The following LRRTM2 variants were observed in gnomAD, a reference collection of about 807,000 sequenced individuals.
The protein encoded by LRRTM2 is leucine-rich repeat transmembrane neuronal protein 2.
LRRTM2 carries 14 observed loss-of-function variants against 40.7 expected under a neutral mutation model. The ratio of observed to expected loss-of-function variants is 0.34; its 90% CI spans 0.23 to 0.54. LRRTM2 has a LOEUF of 0.54. Ranked by LOEUF, LRRTM2 falls within the 20% of genes least tolerant of loss-of-function variation. The pLI is 0.92. For missense variants in LRRTM2, 468 were observed against 624.4 expected, an observed-to-expected ratio of 0.75 and a Z score of 2.67; for synonymous variants, 223 against 237.6, an observed-to-expected ratio of 0.94 and a Z score of 0.57.
chr5:138,873,418 A>G lies in LRRTM2; in HGVS notation c.1143T>C (p.Tyr381=), dbSNP rs757948391. 20 of 1,613,834 alleles carry G rather than the reference A, an allele frequency of 1.2e-5. No individual in the cohort carries two copies. In the East Asian group the frequency reaches 3.3e-4, roughly 27 times the overall value. ...ATTYRDPTTE[Y]TKRISSSSYH... ...AACTTGATGAGCTTATTCTTTTTGT[A>G]TATTCAGTGGTTGGATCTCTATAAG... Residue 381 remains tyrosine, a synonymous_variant, in exon 2 of 2, where the codon TAT becomes TAC. Transcript: ENST00000274711. The surrounding 1 kb of genome is among the most constrained non-coding windows in gnomAD (Gnocchi z 6.1).
chr5:138,875,330 A>G lies in LRRTM2; in HGVS notation c.-419T>C. 4.2e-6 allele frequency: 4 copies of G among 948,068 alleles called. No individual in the cohort carries two copies. The highest frequency in any genetic ancestry group is 5.1e-6 in the Non-Finnish European group (4 of 789,702). 58.7% of individuals were successfully genotyped at this position (948,068 alleles called of 1,614,324 possible). On this transcript the variant is annotated 5_prime_UTR_variant, in exon 1 of 2. Coordinates refer to ENST00000274711, the MANE Select transcript of LRRTM2 (RefSeq NM_015564.3). ...GAAAAGCTTTTCCGAGAAACGGCACAAGAATGGATTTGCTTATGTGCTGCG... is the reference window on the plus strand; with the variant it reads ...GAAAAGCTTTTCCGAGAAACGGCACGAGAATGGATTTGCTTATGTGCTGCG...
rs753430265 is a variant in LRRTM2, at chr5:138,874,973, G to A, written c.-62C>T. ...TTGTTAGACTCAACGCAGTGAGTCT[G>A]TAAAAGGCTCTAACATGTAGGAGCC... On this transcript the variant is annotated 5_prime_UTR_variant, in exon 1 of 2. Coordinates refer to ENST00000274711, the MANE Select transcript of LRRTM2 (RefSeq NM_015564.3). This position sits in a 1 kb window ranked among gnomAD's most constrained non-coding sequence, Gnocchi z 4.1. 1.9e-6 allele frequency: 3 copies of A among 1,575,978 alleles called. No homozygotes were observed. Among genetic ancestry groups the A allele is most frequent in the Non-Finnish European group, 2.6e-6 (3 of 1,147,718 alleles).
chr5:138,872,004 ATAGT>A lies in LRRTM2; in HGVS notation c.*1002_*1005del, dbSNP rs1394433646. ...CTTTGTCAAGGCATCTTTGATCATG[ATAGT>A]TGAGAGAGAGAGCGCGAGAGTGTGT... is the stretch of plus-strand genomic sequence containing the variant. On this transcript the variant is annotated 3_prime_UTR_variant, in exon 2 of 2. Coordinates refer to ENST00000274711, the MANE Select transcript of LRRTM2 (RefSeq NM_015564.3). The A allele has an allele frequency of 1.3e-5, 2 of 149,700 alleles. No homozygotes were observed. The highest frequency in any genetic ancestry group is 4.9e-5 in the African/African-American group (2 of 40,460). The allele number at this position is 149,700 out of a possible 1,614,324, so 9.3% of individuals were successfully genotyped here. A position where few individuals can be genotyped will look rare whatever the true frequency, so the allele number is the denominator to read the frequency against.
chr5:138,872,757 TTTC>T lies in LRRTM2; in HGVS notation c.*250_*252del. On this transcript the variant is annotated 3_prime_UTR_variant, in exon 2 of 2. Transcript: ENST00000274711. ...ACACGATTGTATATAATTACATACA[TTTC>T]TTATTTTGAAGTAAGCATTTTAGAC... 1 of 371,738 alleles carries T rather than the reference TTTC, an allele frequency of 2.7e-6. No individual in the cohort carries two copies. Among genetic ancestry groups the T allele is most frequent in the Admixed American group, 4.2e-5 (1 of 23,752 alleles). The allele number at this position is 371,738 out of a possible 1,614,324, so 23.0% of individuals were successfully genotyped here.
Position 138,873,967 on chromosome 5 carries a change from G to T in LRRTM2, c.594C>A (p.Arg198=). The stretch of plus-strand genomic sequence containing the variant: ...GTTTAATTAATCCTGCAAATCCATT[G>T]CGAGCCAAACTTCGCAAACGATTTG... ...LSTNRLRSLA[R]NGFAGLIKLR... is the part of the protein sequence containing the mutation. Residue 198 remains arginine, a synonymous_variant, in exon 2 of 2, where the codon CGC becomes CGA. Coordinates refer to ENST00000274711, the MANE Select transcript of LRRTM2 (RefSeq NM_015564.3). This position sits in a 1 kb window ranked among gnomAD's most constrained non-coding sequence, Gnocchi z 6.1. The T allele has an allele frequency of 1.2e-6, 2 of 1,613,988 alleles. No homozygotes were observed. The highest frequency in any genetic ancestry group is 1.7e-6 in the Non-Finnish European group (2 of 1,179,890).
At position 138,870,577 on chromosome 5, in the gene LRRTM2, G is replaced by C. The variant is rs1765246356; in HGVS notation, c.*2433C>G. The C allele has an allele frequency of 6.6e-6, 1 of 152,158 alleles. No homozygotes were observed. Among genetic ancestry groups the C allele is most frequent in the Non-Finnish European group, 1.5e-5 (1 of 68,036 alleles). 9.4% of individuals were successfully genotyped at this position (152,158 alleles called of 1,614,324 possible). Reference sequence around the variant, plus strand: ...CCAGTTATGGTCCTTTAAGGATTAAGGTGGAGATTCCCAGCCAAAGAAGGG... The same window carrying C: ...CCAGTTATGGTCCTTTAAGGATTAACGTGGAGATTCCCAGCCAAAGAAGGG... On this transcript the variant is annotated 3_prime_UTR_variant, in exon 2 of 2. Coordinates refer to ENST00000274711, the MANE Select transcript of LRRTM2 (RefSeq NM_015564.3).
At position 138,871,119 on chromosome 5, in the gene LRRTM2, T is replaced by A. The variant is rs1352547297; in HGVS notation, c.*1891A>T. 1 of 152,180 alleles carries A rather than the reference T, an allele frequency of 6.6e-6. No individual in the cohort carries two copies. Among genetic ancestry groups the A allele is most frequent in the East Asian group, 1.9e-4 (1 of 5,200 alleles). The allele number at this position is 152,180 out of a possible 1,614,324, so 9.4% of individuals were successfully genotyped here. On this transcript the variant is annotated 3_prime_UTR_variant, in exon 2 of 2. Coordinates refer to ENST00000274711, the MANE Select transcript of LRRTM2 (RefSeq NM_015564.3). Reference sequence around the variant, plus strand: ...AAAGAAGAAAAATTGTGATTAAATCTTACTGGCTAAACTATAGCCTTAACA... The same window carrying A: ...AAAGAAGAAAAATTGTGATTAAATCATACTGGCTAAACTATAGCCTTAACA...
rs779150474 is a variant in LRRTM2, at chr5:138,873,720, T to C, written c.841A>G (p.Ile281Val). The C allele has an allele frequency of 6.2e-7, 1 of 1,614,034 alleles. No individual in the cohort carries two copies. Among genetic ancestry groups the C allele is most frequent in the South Asian group, 1.1e-5 (1 of 91,086 alleles). Residue 281 changes from isoleucine to valine, a missense_variant, in exon 2 of 2, where the codon ATA becomes GTA. Physicochemically the swap from Ile to Val is conservative, Grantham distance 29 (BLOSUM62 3). Coordinates refer to ENST00000274711, the MANE Select transcript of LRRTM2 (RefSeq NM_015564.3). The surrounding 1 kb of genome is among the most constrained non-coding windows in gnomAD (Gnocchi z 6.1). ...TVFETMPNLK[I>V]LLMDNNKLNS... ...AACTTGTTGTTATCCATGAGGAGTA[T>C]TTTAAGATTGGGCATCGTTTCAAAC...
chr5:138,873,115 T>C lies in LRRTM2; in HGVS notation c.1446A>G (p.Gly482=). The C allele has an allele frequency of 6.2e-7, 1 of 1,613,974 alleles. No individual in the cohort carries two copies. Among genetic ancestry groups the C allele is most frequent in the East Asian group, 2.2e-5 (1 of 44,874 alleles). The part of the protein sequence containing the change: ...RLHMSNMSDQ[G]PYNEYEPTHE... ...GGGTGGGTTCATATTCATTATACGG[T>C]CCTTGGTCTGACATGTTTGACATAT... The change falls in exon 2 of 2, where the codon GGA becomes GGG. Residue 482 remains glycine, a synonymous_variant. Transcript: ENST00000274711. The surrounding 1 kb of genome is among the most constrained non-coding windows in gnomAD (Gnocchi z 6.1).
Position 138,869,366 on chromosome 5 carries a change from C to CT in LRRTM2, c.*3643dup, listed in dbSNP as rs1434725048. ...AATTATCTATAGATGGCCTTACTGT[C>CT]TCTCTCTCTTTTTTTTTTTTTTTCC... On this transcript the variant is annotated 3_prime_UTR_variant, in exon 2 of 2. Transcript: ENST00000274711. 4.1e-5 allele frequency: 6 copies of CT among 147,060 alleles called. No individual in the cohort carries two copies. Among genetic ancestry groups the CT allele is most frequent in the African/African-American group, 1.5e-4 (6 of 40,184 alleles). 9.1% of individuals were successfully genotyped at this position (147,060 alleles called of 1,614,324 possible). A position where few individuals can be genotyped will look rare whatever the true frequency, so the allele number is the denominator to read the frequency against.
At position 138,874,633 on chromosome 5, in the gene LRRTM2, A is replaced by G; in HGVS notation, c.5-77T>C. The G allele has an allele frequency of 2.2e-6, 2 of 891,506 alleles. No homozygotes were observed. Among genetic ancestry groups the G allele is most frequent in the Non-Finnish European group, 3.3e-6 (2 of 598,510 alleles). The allele number at this position is 891,506 out of a possible 1,614,324, so 55.2% of individuals were successfully genotyped here. A position where few individuals can be genotyped will look rare whatever the true frequency, so the allele number is the denominator to read the frequency against. On this transcript the variant is annotated intron_variant, in intron 1 of 1. Transcript: ENST00000274711. This position sits in a 1 kb window ranked among gnomAD's most constrained non-coding sequence, Gnocchi z 4.1. ...ACATATGGGCTATTTAAAAAAAACAACCACCACCAACATTATAGCAAAAGA... is the reference window on the plus strand; with the variant it reads ...ACATATGGGCTATTTAAAAAAAACAGCCACCACCAACATTATAGCAAAAGA...
chr5:138,873,809 G>A lies in LRRTM2; in HGVS notation c.752C>T (p.Thr251Ile), dbSNP rs1280620099. 6.2e-7 allele frequency: 1 copy of A among 1,613,848 alleles called. No homozygotes were observed. Among genetic ancestry groups the A allele is most frequent in the Non-Finnish European group, 8.5e-7 (1 of 1,179,898 alleles). Residue 251 changes from threonine (T) to isoleucine (I), a missense_variant, in exon 2 of 2, where the codon ACC becomes ATC. By Grantham distance (89) the Thr-to-Ile change is moderately conservative. Coordinates refer to ENST00000274711, the MANE Select transcript of LRRTM2 (RefSeq NM_015564.3). The surrounding 1 kb of genome is among the most constrained non-coding windows in gnomAD (Gnocchi z 6.1). The part of the protein sequence containing the change: ...ISNLTCGMEW[T>I]WGTLEKLDLT... ...GTCTAGCTTTTCTAAAGTGCCCCAG[G>A]TCCACTCCATCCCACATGTCAAGTT...
rs1263623904 is a variant in LRRTM2, at chr5:138,873,184, T to C, written c.1377A>G (p.Ser459=). The change falls in exon 2 of 2, where the codon TCA becomes TCG. Residue 459 remains serine (S), a synonymous_variant. Coordinates refer to ENST00000274711, the MANE Select transcript of LRRTM2 (RefSeq NM_015564.3). This position sits in a 1 kb window ranked among gnomAD's most constrained non-coding sequence, Gnocchi z 6.1. The stretch of plus-strand genomic sequence containing the variant: ...GGAGCTGCCTGTGGTTCTGAACCAT[T>C]GAGCACTGCCTAATTCTTCTTAAAG... The part of the protein sequence containing the change: ...PPTLRRIRQC[S]MVQNHRQLRS... The C allele has an allele frequency of 3.1e-6, 5 of 1,614,028 alleles. No individual in the cohort carries two copies. Among genetic ancestry groups the C allele is most frequent in the Non-Finnish European group, 4.2e-6 (5 of 1,179,888 alleles).
Position 138,873,472 on chromosome 5 carries a change from C to T in LRRTM2, c.1089G>A (p.Leu363=). ...TAGCCATGACAGTGACAGTGGTTGA[C>T]AAATTCCAGCAGAGCTGAAATCCAT... is the stretch of plus-strand genomic sequence containing the variant. ...AVHGFQLCWN[L]STTVTVMATT... Residue 363 remains leucine, a synonymous_variant, in exon 2 of 2, where the codon TTG becomes TTA. Transcript: ENST00000274711. This position sits in a 1 kb window ranked among gnomAD's most constrained non-coding sequence, Gnocchi z 6.1. 3 of 1,614,014 alleles carry T rather than the reference C, an allele frequency of 1.9e-6. No individual in the cohort carries two copies. The highest frequency in any genetic ancestry group is 2.5e-6 in the Non-Finnish European group (3 of 1,179,904).
Position 138,871,721 on chromosome 5 carries a change from A to G in LRRTM2, c.*1289T>C, listed in dbSNP as rs763504957. The G allele has an allele frequency of 1.3e-5, 2 of 152,164 alleles. No homozygotes were observed. The highest frequency in any genetic ancestry group is 2.9e-5 in the Non-Finnish European group (2 of 68,026). The allele number at this position is 152,164 out of a possible 1,614,324, so 9.4% of individuals were successfully genotyped here. On this transcript the variant is annotated 3_prime_UTR_variant, in exon 2 of 2. Coordinates refer to ENST00000274711, the MANE Select transcript of LRRTM2 (RefSeq NM_015564.3). The stretch of plus-strand genomic sequence containing the variant: ...GTTACCACTGTGTGGCTGCATAGGC[A>G]TGTCGAGTTGTTCTGCCATGAGATT...
Position 138,874,306 on chromosome 5 carries a change from A to C in LRRTM2, c.255T>G (p.Ser85Arg). The C allele has an allele frequency of 4.3e-6, 7 of 1,614,044 alleles. No homozygotes were observed. Among genetic ancestry groups the C allele is most frequent in the Non-Finnish European group, 5.1e-6 (6 of 1,179,892 alleles). ...GATCTAAGTGGAGCCAAGTAAGTTG[A>C]CTGAAGCTGGCAAATTGATCTCTTT... ...ELERDQFASF[S>R]QLTWLHLDHN... The change falls in exon 2 of 2, where the codon AGT (serine) becomes AGG (arginine). Residue 85 changes from serine to arginine, a missense_variant. Ser to Arg is a moderately radical substitution (Grantham distance 110). Transcript: ENST00000274711. The surrounding 1 kb of genome is among the most constrained non-coding windows in gnomAD (Gnocchi z 4.1).
chr5:138,873,898 A>G lies in LRRTM2; in HGVS notation c.663T>C (p.Asn221=), dbSNP rs562406459. 4.3e-6 allele frequency: 7 copies of G among 1,613,892 alleles called. No homozygotes were observed. Among genetic ancestry groups the G allele is most frequent in the African/African-American group, 1.3e-5 (1 of 74,904 alleles). Residue 221 remains asparagine (N), a synonymous_variant, in exon 2 of 2, where the codon AAT becomes AAC. Coordinates refer to ENST00000274711, the MANE Select transcript of LRRTM2 (RefSeq NM_015564.3). The surrounding 1 kb of genome is among the most constrained non-coding windows in gnomAD (Gnocchi z 6.1). The part of the protein sequence containing the change: ...HLEHNQLTKI[N]FAHFLRLSSL... ...TGCTTAGCCGTAGGAAATGAGCAAA[A>G]TTAATCTTCGTCAGCTGGTTGTGCT...
chr5:138,874,098 C>T lies in LRRTM2; in HGVS notation c.463G>A (p.Gly155Ser). ...LSSLHPELFYGLRKLQTLHLR... is the reference protein window; with the variant it reads ...LSSLHPELFYSLRKLQTLHLR... ...TGCAAGGTCTGCAGCTTCCGAAGGC[C>T]ATAGAAGAGCTCTGGGTGCAGAGAT... is the stretch of plus-strand genomic sequence containing the variant. Residue 155 changes from glycine (G) to serine (S), a missense_variant, in exon 2 of 2, where the codon GGC becomes AGC. Gly to Ser is a moderately conservative substitution (Grantham distance 56). Transcript: ENST00000274711. This position sits in a 1 kb window ranked among gnomAD's most constrained non-coding sequence, Gnocchi z 4.1. 6.2e-7 allele frequency: 1 copy of T among 1,613,784 alleles called. No homozygotes were observed. The highest frequency in any genetic ancestry group is 2.2e-5 in the East Asian group (1 of 44,886).
chr5:138,874,570 T>C lies in LRRTM2; in HGVS notation c.5-14A>G. On this transcript the variant is annotated splice_polypyrimidine_tract_variant and intron_variant, in intron 1 of 1. Transcript: ENST00000274711. This position sits in a 1 kb window ranked among gnomAD's most constrained non-coding sequence, Gnocchi z 4.1. Reference sequence around the variant, plus strand: ...TGAAATGTAAGCCTGCAGAATATAATTTAAGGAAAACAAGAAGATAGGATA... The same window carrying C: ...TGAAATGTAAGCCTGCAGAATATAACTTAAGGAAAACAAGAAGATAGGATA... 1 of 1,468,448 alleles carries C rather than the reference T, an allele frequency of 6.8e-7. No individual in the cohort carries two copies. Among genetic ancestry groups the C allele is most frequent in the Non-Finnish European group, 9.2e-7 (1 of 1,091,228 alleles). 91.0% of individuals were successfully genotyped at this position (1,468,448 alleles called of 1,614,324 possible).
Sources: allele counts gnomAD v4.1 joint callset, GRCh38; gene constraint gnomAD v4.1.1; non-coding constraint Gnocchi (gnomAD v3.1); transcripts MANE v1.5; gene names NCBI Gene and HGNC (gene_info 2026-07-23, HGNC 2026-07-21).